The following CLIC5 variants were observed in gnomAD, a reference collection of about 807,000 sequenced individuals.
The protein encoded by CLIC5 is chloride intracellular channel protein 5.
Under a neutral mutation model 24.7 loss-of-function variants are expected in CLIC5, and 20 were observed. The observed-to-expected ratio is 0.81, with a 90% CI of 0.57 to 1.18. The LOEUF (loss-of-function observed/expected upper bound fraction) is 1.18, where lower values mean the gene tolerates loss of function less well. Among genes scored for constraint, CLIC5 ranks in the 50% most tolerant of loss-of-function variants. CLIC5 has a pLI of 0.00. For synonymous variants in CLIC5, 159 were observed against 135.6 expected (o/e 1.17, Z -1.20); for missense variants, 341 against 326.1 (o/e 1.05, Z -0.35).
chr6:46,016,939 C>A (rs184104128), upstream of CLIC5, among the ~76,000 whole-genome samples: 1 of 152,354 alleles, frequency 6.6e-6, no homozygotes, highest in East Asian at 1.9e-4. Context: ...CTTATTCATT[C>A]TTCTGTCAAT....
chr6:46,043,960 T>C (rs556092361), intron 1 of CLIC5, among the ~76,000 whole-genome samples: 4 of 152,376 alleles, frequency 2.6e-5, no homozygotes, highest in Non-Finnish European at 5.9e-5. Context: ...CAATGTCCTC[T>C]GCTGTGTGTT....
intron 4 of CLIC5, among the ~76,000 whole-genome samples, chr6:45,939,294 A>G (rs1442987556): frequency 2.8e-5 from 4 of 142,506 alleles, no homozygotes; most frequent in African/African-American, 1.1e-4. Context: ...GCTCATTGCA[A>G]CCTTCGCCTC....
chr6:45,939,256 C>G (rs1170671253), intron 4 of CLIC5, among the ~76,000 whole-genome samples: 9 of 132,720 alleles, frequency 6.8e-5, no homozygotes, highest in Non-Finnish European at 1.1e-4. Flanking sequence ...GAGTGTCGCT[C>G]TGTTGCCCAG....
intron 1 of CLIC5, among the ~76,000 whole-genome samples, chr6:46,048,902 A>T (rs1366119831): frequency 2.6e-5 from 4 of 152,176 alleles, no homozygotes; most frequent in Non-Finnish European, 4.4e-5. Flanking sequence ...GACTCTTCAT[A>T]GTTGCCAAGC....
intron 1 of CLIC5, among the ~76,000 whole-genome samples, chr6:46,063,332 A>G (rs766211228): frequency 8.5e-5 from 13 of 152,226 alleles, no homozygotes; most frequent in Non-Finnish European, 1.9e-4. Flanking sequence ...CTGACAGAGT[A>G]AAAGAAACCA....
exon 1 of CLIC5, chr6:46,079,801 C>A (rs778593439): frequency 7.7e-6 from 12 of 1,552,042 alleles, no homozygotes; most frequent in African/African-American, 1.4e-5. Context: ...GTAGAGAAGG[C>A]CTTACTGTGC....
At chr6:46,126,173 A>G in the CLIC5 span, among the ~76,000 whole-genome samples, 3 of 152,164 alleles carry the variant, frequency 2.0e-5, no homozygotes, top group Non-Finnish European at 4.4e-5. Context: ...AGTCAGCCCC[A>G]TCTGACTCCC....
chr6:46,015,822 G>C lies in CLIC5; in HGVS notation c.-280C>G, dbSNP rs1233293650. 8.6e-7 allele frequency: 1 copy of C among 1,163,544 alleles called. No homozygotes were observed. Among genetic ancestry groups the C allele is most frequent in the East Asian group, 3.9e-5 (1 of 25,746 alleles). 72.1% of individuals were successfully genotyped at this position (1,163,544 alleles called of 1,614,324 possible). ...ACAGGTCGTGGGAGCAACAAGTGCC[G>C]GGCTGCCCGGAGGTGTCACAGGATC... On this transcript the variant is annotated 5_prime_UTR_variant, in exon 1 of 6. Coordinates refer to ENST00000339561, the MANE Select transcript of CLIC5 (RefSeq NM_016929.5).
At chr6:46,108,397 T>TGAGA in the CLIC5 span, among the ~76,000 whole-genome samples, 120 of 148,410 alleles carry the variant, frequency 8.1e-4, 1 homozygote, top group Middle Eastern at 3.6e-3. Flanking sequence ...TGTGTGTGTG[T>TGAGA]GTGTGAGAGA....
intron 1 of CLIC5, among the ~76,000 whole-genome samples, chr6:46,039,966 G>T (rs1767761087): frequency 6.6e-6 from 1 of 152,348 alleles, no homozygotes; most frequent in African/African-American, 2.4e-5. Flanking sequence ...GAATCAGATA[G>T]ATGTAGATAT....
chr6:45,998,775 C>G (rs957217057), intron 1 of CLIC5, among the ~76,000 whole-genome samples: 4 of 152,166 alleles, frequency 2.6e-5, no homozygotes, highest in Non-Finnish European at 5.9e-5. Flanking sequence ...GCCCACAGCT[C>G]CAGGCATCAT....
intron 5 of CLIC5, 59 bp from the exon 6 acceptor site, chr6:45,903,314 G>A: frequency 1.3e-6 from 2 of 1,489,562 alleles, no homozygotes; most frequent in Non-Finnish European, 1.8e-6. Context: ...TCATTAGAAA[G>A]TGTTAGTGGC....
intron 1 of CLIC5, among the ~76,000 whole-genome samples, chr6:45,962,197 T>TAC (rs1764869150): frequency 6.7e-6 from 1 of 150,292 alleles, no homozygotes; most frequent in Non-Finnish European, 1.5e-5. Flanking sequence ...TATATATATA[T>TAC]ACACATATAT....
chr6:45,902,609 C>T lies in CLIC5; in HGVS notation c.*479G>A, dbSNP rs1762539258. The T allele has an allele frequency of 6.3e-6, 1 of 159,790 alleles. No individual in the cohort carries two copies. The highest frequency in any genetic ancestry group is 5.8e-5 in the Admixed American group (1 of 17,266). 9.9% of individuals were successfully genotyped at this position (159,790 alleles called of 1,614,324 possible). Reference sequence around the variant, plus strand: ...AGTCCATAGCCAGCTCGGTACTCCTCCATTCACTCTCTCTGTCTCCCCTAA... The same window carrying T: ...AGTCCATAGCCAGCTCGGTACTCCTTCATTCACTCTCTCTGTCTCCCCTAA... On this transcript the variant is annotated 3_prime_UTR_variant, in exon 6 of 6. Coordinates refer to ENST00000339561, the MANE Select transcript of CLIC5 (RefSeq NM_016929.5).
chr6:45,896,465 G>A (rs1337151631), downstream of CLIC5, among the ~76,000 whole-genome samples: 1 of 152,208 alleles, frequency 6.6e-6, no homozygotes, highest in African/African-American at 2.4e-5. Flanking sequence ...ATTTAATGAT[G>A]GACCTAAGAG....
At position 45,918,965 on chromosome 6, in the gene CLIC5, C is replaced by G. The variant is rs1040979755; in HGVS notation, c.407-4556G>C. The G allele has an allele frequency of 1.8e-5, 18 of 985,336 alleles. No homozygotes were observed. In the African/African-American group the frequency reaches 3.1e-4, roughly 17 times the overall value. 61.0% of individuals were successfully genotyped at this position (985,336 alleles called of 1,614,324 possible). ...GCACATACGCTTATGCAAGCACACA[C>G]ATAGCTGGTCCTTAAACCATTCAAA... On this transcript the variant is annotated intron_variant, in intron 4 of 5. Coordinates refer to ENST00000339561, the MANE Select transcript of CLIC5 (RefSeq NM_016929.5).
At chr6:46,121,916 C>T in the CLIC5 span, among the ~76,000 whole-genome samples, 3 of 152,128 alleles carry the variant, frequency 2.0e-5, no homozygotes. Context: ...TACAGGAGCA[C>T]CCAGATTCAT....
chr6:45,953,000 CAAACTT>C (rs1457205226), intron 2 of CLIC5, among the ~76,000 whole-genome samples: 2 of 152,136 alleles, frequency 1.3e-5, no homozygotes, highest in African/African-American at 4.8e-5. Flanking sequence ...AGGATACAAA[CAAACTT>C]AAAACACGAT....
intron 1 of CLIC5, among the ~76,000 whole-genome samples, chr6:46,044,828 A>G (rs9472677): frequency 0.013 from 2,046 of 152,330 alleles, 54 homozygotes; most frequent in African/African-American, 0.046. Context: ...AAAGAAAGTG[A>G]AAGAACAATA....
Sources: allele counts gnomAD v4.1 joint callset (sites outside exome capture counted in the v4.1 genomes callset), GRCh38; gene constraint gnomAD v4.1.1; transcripts MANE v1.5; gene names NCBI Gene and HGNC (gene_info 2026-07-23, HGNC 2026-07-21).